ENPP3: variants seen among roughly 807,000 people sequenced by gnomAD.
ENPP3 encodes the protein ectonucleotide pyrophosphatase/phosphodiesterase 3, also known as ectonucleotide pyrophosphatase/phosphodiesterase family member 3.
Under a neutral mutation model 117.8 loss-of-function variants are expected in ENPP3, and 104 were observed. The observed-to-expected ratio is 0.88, with a 90% confidence interval of 0.75 to 1.04. The LOEUF (loss-of-function observed/expected upper bound fraction) is 1.04, where lower values mean the gene tolerates loss of function less well. Among genes scored for constraint, ENPP3 ranks in the 50% least tolerant of loss-of-function variants. ENPP3 has a pLI of 0.00. For synonymous variants in ENPP3, 380 were observed against 349.9 expected (o/e 1.09, Z -0.96); for missense variants, 1,026 against 1,051.9 (o/e 0.98, Z 0.34).
rs567348962 is a variant in ENPP3 at position 131,668,635 on chromosome 6, T to C, written c.563-2613T>C. ...TAGTTGCATAGGCTTATCTCATTTA[T>C]ATTTTCAGATTATTTTGTTTAGTAC... On this transcript the variant is annotated intron_variant, in intron 6 of 24. Coordinates refer to ENST00000357639, the MANE Select transcript of ENPP3 (RefSeq NM_005021.5). Among the ~76,000 whole-genome samples, 28 of 152,372 alleles carry C rather than the reference T, an allele frequency of 1.8e-4. 1 individual carries two copies. Among genetic ancestry groups the C allele is most frequent in the South Asian group, 1.0e-3 (5 of 4,832 alleles).
intron 14 of ENPP3, among the ~76,000 whole-genome samples, chr6:131,687,547 A>G (rs1487079766): frequency 6.6e-6 from 1 of 152,214 alleles, no homozygotes; most frequent in Non-Finnish European, 1.5e-5. Context: ...ATAGCCAAAG[A>G]AACTATCAAC....
At chr6:131,736,475 G>A (rs554327328) in intron 21 of ENPP3, among the ~76,000 whole-genome samples, 1 of 152,262 alleles carries the variant, frequency 6.6e-6, no homozygotes, top group East Asian at 1.9e-4. Context: ...GATCTCGTGA[G>A]ACTTATTCAC....
In ENPP3 at chr6:131,693,505, A is replaced by G; in HGVS notation, c.1293A>G (p.Lys431=). Residue 431 remains lysine (K), a synonymous_variant, in exon 15 of 25, where the codon AAA becomes AAG. Transcript: ENST00000357639. The stretch of plus-strand genomic sequence containing the variant: ...ATTTACTTGCTTTTCAGTGCCGAAA[A>G]CCTGATCAGCATTTCAAGCCCTATT... The part of the protein sequence containing the change: ...EEIVRNLSCR[K]PDQHFKPYLT... The G allele has an allele frequency of 1.2e-6, 2 of 1,611,654 alleles. No individual in the cohort carries two copies. Among genetic ancestry groups the G allele is most frequent in the Non-Finnish European group, 1.7e-6 (2 of 1,179,106 alleles).
At chr6:131,695,687 G>T (rs576175450) in intron 15 of ENPP3, among the ~76,000 whole-genome samples, 5 of 151,886 alleles carry the variant, frequency 3.3e-5, no homozygotes, top group African/African-American at 1.2e-4. Flanking sequence ...AGGCTGAGGC[G>T]GGCAGATCAC....
chr6:131,685,906 G>A lies in ENPP3; in HGVS notation c.1283G>A (p.Ser428Asn). The A allele has an allele frequency of 1.1e-6, 1 of 917,774 alleles. No individual in the cohort carries two copies. The highest frequency in any genetic ancestry group is 1.7e-6 in the Non-Finnish European group (1 of 576,662). The allele number at this position is 917,774 out of a possible 1,614,324, so 56.9% of individuals were successfully genotyped here. The change falls in exon 14 of 25, where the codon AGT becomes AAT. Residue 428 changes from serine to asparagine, a missense_variant and splice_region_variant. Ser to Asn is a conservative substitution (Grantham distance 46). Transcript: ENST00000357639. ...FNSEEIVRNL[S>N]CRKPDQHFKP... ...TCTGAGGAAATTGTTAGAAACCTCA[G>A]TGTAAGTATACAATACTCTTAATAC...
At chr6:131,724,363 A>G (rs772572401) in intron 19 of ENPP3, among the ~76,000 whole-genome samples, 1 of 152,154 alleles carries the variant, frequency 6.6e-6, no homozygotes, top group African/African-American at 2.4e-5. Flanking sequence ...CCTTAGATGT[A>G]AGCAGACTGA....
Position 131,704,456 on chromosome 6 carries a change from T to C in ENPP3, c.1412+10832T>C, listed in dbSNP as rs1438224753. On this transcript the variant is annotated intron_variant, in intron 15 of 24. Transcript: ENST00000357639. ...GATAAGGCATAAGGATTGAGCAAAA[T>C]TTACTTTTGAAAATTTTCTTTTTTT... Among the ~76,000 whole-genome samples the C allele has an allele frequency of 3.6e-5, 4 of 110,022 alleles. No individual in the cohort carries two copies. In the East Asian group the frequency reaches 1.0e-3, roughly 28 times the overall value. 72.2% of individuals were successfully genotyped at this position (110,022 alleles called of 152,430 possible).
chr6:131,744,802 TACAC>T (rs72401502), intron 24 of ENPP3, among the ~76,000 whole-genome samples: 4,880 of 146,774 alleles, frequency 0.033, 151 homozygotes, highest in African/African-American at 0.086. Flanking sequence ...AGGTCATTTA[TACAC>T]ACACACACAC....
At chr6:131,663,902 T>C (rs1010015759) in intron 6 of ENPP3, among the ~76,000 whole-genome samples, 1 of 152,188 alleles carries the variant, frequency 6.6e-6, no homozygotes, top group Non-Finnish European at 1.5e-5. Context: ...TACTATACTA[T>C]ACTCTTTTCA....
At position 131,718,750 on chromosome 6, in the gene ENPP3, C is replaced by CTT; in HGVS notation, c.1479+21_1479+22dup. ...TTAGGAGCATGGAGGTAACTTACTG[C>CTT]TTTTTTTTTTAACTTTTATTTTAAG... On this transcript the variant is annotated intron_variant, in intron 16 of 24. Coordinates refer to ENST00000357639, the MANE Select transcript of ENPP3 (RefSeq NM_005021.5). 1.2e-5 allele frequency: 17 copies of CTT among 1,409,268 alleles called. No homozygotes were observed. Among genetic ancestry groups the CTT allele is most frequent in the South Asian group, 1.4e-5 (1 of 73,704 alleles). The allele number at this position is 1,409,268 out of a possible 1,614,324, so 87.3% of individuals were successfully genotyped here.
intron 12 of ENPP3, among the ~76,000 whole-genome samples, chr6:131,684,909 C>T (rs6922673): frequency 2.6e-5 from 4 of 151,754 alleles, no homozygotes; most frequent in Non-Finnish European, 4.4e-5. Flanking sequence ...CTTAGCCTCT[C>T]GAGTAAATGG....
intron 14 of ENPP3, among the ~76,000 whole-genome samples, chr6:131,693,138 C>T (rs1369749137): frequency 2.0e-5 from 3 of 147,006 alleles, no homozygotes; most frequent in Non-Finnish European, 4.5e-5. Context: ...CACACACACC[C>T]CCAGGAATAA....
intron 23 of ENPP3, among the ~76,000 whole-genome samples, chr6:131,739,219 G>C (rs1014079361): frequency 6.6e-6 from 1 of 152,166 alleles, no homozygotes; most frequent in Non-Finnish European, 1.5e-5. Context: ...CTAAATCACA[G>C]TAATACATTT....
Position 131,738,083 on chromosome 6 carries a change from A to G in ENPP3, c.2220A>G (p.Arg740=). Reference sequence around the variant, plus strand: ...TTCTTATAAAACATGCCACAGAAAGAAATGGAGTAAATGTGGTTAGTGGAC... The same window carrying G: ...TTCTTATAAAACATGCCACAGAAAGGAATGGAGTAAATGTGGTTAGTGGAC... The part of the protein sequence containing the change: ...SVLLIKHATE[R]NGVNVVSGPI... Residue 740 remains arginine (R), a synonymous_variant, in exon 23 of 25, where the codon AGA becomes AGG. Coordinates refer to ENST00000357639, the MANE Select transcript of ENPP3 (RefSeq NM_005021.5). 1 of 1,604,326 alleles carries G rather than the reference A, an allele frequency of 6.2e-7. No homozygotes were observed. The highest frequency in any genetic ancestry group is 1.1e-5 in the South Asian group (1 of 90,424).
chr6:131,701,806 C>G (rs1779538422), intron 15 of ENPP3, among the ~76,000 whole-genome samples: 1 of 150,356 alleles, frequency 6.7e-6, no homozygotes, highest in African/African-American at 2.5e-5. Context: ...TGCTTGATCC[C>G]AGGAGGCGGA....
intron 6 of ENPP3, 90 bp from the exon 7 acceptor site, chr6:131,671,158 T>C: frequency 1.3e-6 from 1 of 788,426 alleles, no homozygotes; most frequent in Non-Finnish European, 2.2e-6. Flanking sequence ...GTTTTTTATT[T>C]TTCTGAGAGA....
In ENPP3 at chr6:131,746,958, TTAA is replaced by T; in HGVS notation, c.*7_*9del. 1 of 1,541,406 alleles carries T rather than the reference TTAA, an allele frequency of 6.5e-7. No individual in the cohort carries two copies. Among genetic ancestry groups the T allele is most frequent in the Non-Finnish European group, 8.9e-7 (1 of 1,121,924 alleles). On this transcript the variant is annotated 3_prime_UTR_variant, in exon 25 of 25. Transcript: ENST00000357639. ...CCAACATTTGAAACCACTATTTAACTTAATAATGTCTACTTAATATATAATTTA... is the reference window on the plus strand; with the variant it reads ...CCAACATTTGAAACCACTATTTAACTTAATGTCTACTTAATATATAATTTA...
rs919667203 is a variant in ENPP3 at position 131,674,942 on chromosome 6, A to G, written c.763-138A>G. ...TTGAGGCAGATTCTTAGATAATTAT[A>G]TCTTTTAATTACTACAAAGATTAAA... On this transcript the variant is annotated intron_variant, in intron 8 of 24. Transcript: ENST00000357639. 3.6e-5 allele frequency: 21 copies of G among 575,388 alleles called. No homozygotes were observed. The African/African-American group carries it at 3.8e-4, about 10-fold the overall frequency. The allele number at this position is 575,388 out of a possible 1,614,324, so 35.6% of individuals were successfully genotyped here.
intron 14 of ENPP3, among the ~76,000 whole-genome samples, chr6:131,691,608 G>GAA (rs113719227): frequency 6.8e-6 from 1 of 146,044 alleles, no homozygotes; most frequent in Admixed American, 6.9e-5. Context: ...AAAAGAAAGA[G>GAA]AAAAAAAAAA....
Sources: allele counts gnomAD v4.1 joint callset (sites outside exome capture counted in the v4.1 genomes callset), GRCh38; gene constraint gnomAD v4.1.1; transcripts MANE v1.5; gene names NCBI Gene and HGNC (gene_info 2026-07-23, HGNC 2026-07-21).